The following EIPR1 variants were observed in gnomAD, a reference collection of about 807,000 sequenced individuals.
EIPR1 encodes the protein EARP complex and GARP complex interacting protein 1, also known as EARP and GARP complex-interacting protein 1.
In EIPR1, 25 loss-of-function variants were observed where a neutral mutation model predicts 48.1. That is an observed-to-expected ratio of 0.52 (90% CI 0.38 to 0.73). The LOEUF (loss-of-function observed/expected upper bound fraction) is 0.73, where lower values mean the gene tolerates loss of function less well. EIPR1 is among the 30% of genes least tolerant of loss of function. The pLI is 0.00. For missense variants in EIPR1, 415 were observed against 506.2 expected, an observed-to-expected ratio of 0.82 and a Z score of 1.73; for synonymous variants, 204 against 201.9, an observed-to-expected ratio of 1.01 and a Z score of -0.09.
intron 4 of EIPR1, among the ~76,000 whole-genome samples, chr2:3,239,601 C>G (rs1375507339): frequency 2.6e-5 from 4 of 151,936 alleles, no homozygotes; most frequent in Non-Finnish European, 5.9e-5. Flanking sequence ...CAGCGCAAAC[C>G]CTCAGGGCAT....
At chr2:3,324,787 G>C (rs936716350) in intron 3 of EIPR1, among the ~76,000 whole-genome samples, 2 of 152,230 alleles carry the variant, frequency 1.3e-5, no homozygotes, top group African/African-American at 4.8e-5. Context: ...GAGTGCAGGC[G>C]GCCTGCGCGC....
At chr2:3,208,833 A>G in intron 5 of EIPR1, 1 of 1,548,768 alleles carries the variant, frequency 6.5e-7, no homozygotes, top group Non-Finnish European at 8.7e-7. Context: ...TGGCAGGTGC[A>G]GGTGTCTGGG....
At chr2:3,291,142 T>A (rs1055520630) in intron 3 of EIPR1, among the ~76,000 whole-genome samples, 10 of 152,186 alleles carry the variant, frequency 6.6e-5, no homozygotes, top group Admixed American at 6.5e-4. Context: ...GCAGCAGGGA[T>A]GCCTGGGGGT....
At chr2:3,295,138 C>A (rs2103281246) in intron 3 of EIPR1, among the ~76,000 whole-genome samples, 1 of 142,124 alleles carries the variant, frequency 7.0e-6, no homozygotes, top group Admixed American at 7.0e-5. Flanking sequence ...CCATGCACAA[C>A]CTCCATCCGG....
chr2:3,298,572 T>A (rs1668670356), intron 3 of EIPR1: 1 of 151,906 alleles, frequency 6.6e-6, no homozygotes, highest in South Asian at 2.1e-4. Context: ...GTAATAATGA[T>A]CCTCCCCTGG....
intron 4 of EIPR1, among the ~76,000 whole-genome samples, chr2:3,234,798 G>A (rs1666349270): frequency 1.3e-5 from 2 of 152,204 alleles, no homozygotes; most frequent in African/African-American, 4.8e-5. Context: ...TTGCACAAGA[G>A]ACCTGCTCTC....
At chr2:3,251,219 T>C (rs1666992322) in intron 4 of EIPR1, among the ~76,000 whole-genome samples, 3 of 152,210 alleles carry the variant, frequency 2.0e-5, no homozygotes, top group Admixed American at 2.0e-4. Context: ...GCGAGAAGAC[T>C]GCGGCCGTGC....
At chr2:3,234,505 G>A (rs562959511) in intron 4 of EIPR1, among the ~76,000 whole-genome samples, 3 of 152,300 alleles carry the variant, frequency 2.0e-5, no homozygotes, top group East Asian at 3.9e-4. Context: ...CTCCACACTG[G>A]GGAGGCCCAA....
At chr2:3,336,785 AAAAGG>A (rs1670057141) in intron 3 of EIPR1, among the ~76,000 whole-genome samples, 1 of 151,532 alleles carries the variant, frequency 6.6e-6, no homozygotes, top group South Asian at 2.1e-4. Context: ...AAAGGAAAAG[AAAAGG>A]AAAGGAAAAG....
At chr2:3,333,218 T>A (rs1216931092) in intron 3 of EIPR1, among the ~76,000 whole-genome samples, 1 of 152,254 alleles carries the variant, frequency 6.6e-6, no homozygotes. Context: ...CATTCTAGCA[T>A]GTGCTTGCGT....
At chr2:3,221,022 G>A (rs1230607427) in intron 4 of EIPR1, among the ~76,000 whole-genome samples, 1 of 51,086 alleles carries the variant, frequency 2.0e-5, no homozygotes, top group Non-Finnish European at 4.0e-5. Flanking sequence ...GCACACAATG[G>A]CCGACGTACA....
At chr2:3,239,494 G>A (rs1666523855) in intron 4 of EIPR1, among the ~76,000 whole-genome samples, 2 of 152,226 alleles carry the variant, frequency 1.3e-5, no homozygotes, top group Admixed American at 1.3e-4. Context: ...ATTTGGCCAT[G>A]AGGTGGATCC....
intron 3 of EIPR1, among the ~76,000 whole-genome samples, chr2:3,263,377 T>C (rs957210547): frequency 2.6e-5 from 4 of 152,172 alleles, no homozygotes; most frequent in Admixed American, 2.6e-4. Context: ...GCCCCTTCCA[T>C]CCTGAGAACA....
chr2:3,280,446 G>A (rs746978456), intron 3 of EIPR1, among the ~76,000 whole-genome samples: 2 of 152,162 alleles, frequency 1.3e-5, no homozygotes, highest in African/African-American at 2.4e-5. Flanking sequence ...GATGGGCCGC[G>A]GGTGAGTGGC....
At chr2:3,347,885 G>C (rs1191269335) in intron 2 of EIPR1, among the ~76,000 whole-genome samples, 1 of 152,236 alleles carries the variant, frequency 6.6e-6, no homozygotes, top group Admixed American at 6.5e-5. Context: ...AGGCTACCCT[G>C]TGATGCTTCA....
chr2:3,260,866 C>G (rs1167399229), intron 3 of EIPR1, among the ~76,000 whole-genome samples: 1 of 152,098 alleles, frequency 6.6e-6, no homozygotes, highest in South Asian at 2.1e-4. Context: ...TAAAAAAGAC[C>G]AACAATAGCA....
chr2:3,341,095 C>CAAAAAAAAAA (rs55667121), intron 2 of EIPR1, among the ~76,000 whole-genome samples: 298 of 21,910 alleles, frequency 0.014, 2 homozygotes, highest in Non-Finnish European at 0.022. Context: ...GATCCTGTCT[C>CAAAAAAAAAA]AAAAAAAAAA....
At chr2:3,301,252 G>C (rs888877309) in intron 3 of EIPR1, 39 of 152,226 alleles carry the variant, frequency 2.6e-4, no homozygotes, top group African/African-American at 8.0e-4. Context: ...TTCCAAGTGA[G>C]ATGCAGTAGA....
At chr2:3,299,624 TCACACACACACA>T (rs3064647) in intron 3 of EIPR1, among the ~76,000 whole-genome samples, 3 of 136,814 alleles carry the variant, frequency 2.2e-5, no homozygotes, top group South Asian at 2.5e-4. Context: ...TCTCTCTCTC[TCACACACACACA>T]CACACACACA....
Sources: allele counts gnomAD v4.1 joint callset (sites outside exome capture counted in the v4.1 genomes callset), GRCh38; gene constraint gnomAD v4.1.1; transcripts MANE v1.5; gene names NCBI Gene and HGNC (gene_info 2026-07-23, HGNC 2026-07-21).